Variants in NAALADL2 observed in about 807,000 individuals in gnomAD.
NAALADL2 encodes the protein inactive N-acetylated-alpha-linked acidic dipeptidase-like protein 2.
Under a neutral mutation model 87.2 loss-of-function variants are expected in NAALADL2, and 76 were observed. The observed-to-expected ratio is 0.87, with a 90% CI of 0.72 to 1.05. NAALADL2 has a LOEUF of 1.05. NAALADL2 is among the 50% of genes least tolerant of loss of function. The pLI, the probability that NAALADL2 is intolerant of heterozygous loss-of-function variation, is 0.00. For missense variants in NAALADL2, 1,089 were observed against 945.8 expected (o/e 1.15, Z -1.99); for synonymous variants, 354 against 331.0 (o/e 1.07, Z -0.75).
intron 2 of NAALADL2, among the ~76,000 whole-genome samples, chr3:174,689,012 A>G (rs575339522): frequency 6.6e-5 from 10 of 152,252 alleles, no homozygotes; most frequent in African/African-American, 2.2e-4. Context: ...CAAAAAAAAA[A>G]AATTATGTAA....
intron 1 of NAALADL2, among the ~76,000 whole-genome samples, chr3:174,532,534 A>G (rs986450899): frequency 3.3e-5 from 5 of 152,156 alleles, no homozygotes; most frequent in Non-Finnish European, 7.3e-5. Context: ...TGAATCCTAT[A>G]TGGAACTCAG....
chr3:174,930,613 A>ATTTTTTTTTTTTTT (rs1188907600), intron 1 of NAALADL2, among the ~76,000 whole-genome samples: 1 of 99,774 alleles, frequency 1.0e-5, no homozygotes, highest in African/African-American at 4.4e-5. Context: ...AATAAGATGA[A>ATTTTTTTTTTTTTT]CTTTTTTTTT....
intron 1 of NAALADL2, among the ~76,000 whole-genome samples, chr3:175,011,902 T>C (rs1390111271): frequency 1.3e-5 from 2 of 152,168 alleles, no homozygotes; most frequent in South Asian, 4.1e-4. Context: ...AGTATTATAA[T>C]TGGGAAACAT....
chr3:175,382,232 T>A (rs1767870765), intron 5 of NAALADL2, among the ~76,000 whole-genome samples: 1 of 152,042 alleles, frequency 6.6e-6, no homozygotes, highest in African/African-American at 2.4e-5. Context: ...CATGAAGAAA[T>A]TTTTCAAATG....
intron 1 of NAALADL2, among the ~76,000 whole-genome samples, chr3:174,964,938 A>G (rs374592054): frequency 1.3e-5 from 2 of 151,926 alleles, no homozygotes; most frequent in Admixed American, 1.3e-4. Context: ...TTGAGCTGAA[A>G]TGAAAATGGG....
rs376711648 is a variant in NAALADL2 at position 174,831,299 on chromosome 3, T to G, written c.-9+93553T>G. Among the ~76,000 whole-genome samples, 313 of 149,064 alleles carry G rather than the reference T, an allele frequency of 2.1e-3. 2 individuals are homozygous for G. Among genetic ancestry groups the G allele is most frequent in the Non-Finnish European group, 3.8e-3 (253 of 67,454 alleles). On this transcript the variant is annotated intron_variant, in intron 3 of 3. Transcript: ENST00000434257. ...TACGTCCCATCAATACCTAATTTATTGAGAGTTTTTAGCATGAAGCGTTGT... is the reference window on the plus strand; with the variant it reads ...TACGTCCCATCAATACCTAATTTATGGAGAGTTTTTAGCATGAAGCGTTGT...
At chr3:174,749,641 A>G (rs1203433239) in intron 3 of NAALADL2, among the ~76,000 whole-genome samples, 1 of 152,120 alleles carries the variant, frequency 6.6e-6, no homozygotes, top group East Asian at 1.9e-4. Flanking sequence ...TTCTGCATCC[A>G]TTGCTGAAAA....
intron 13 of NAALADL2, among the ~76,000 whole-genome samples, chr3:175,799,486 G>A (rs1266055087): frequency 1.3e-5 from 2 of 151,910 alleles, no homozygotes; most frequent in African/African-American, 2.4e-5. Flanking sequence ...AAATATGTTT[G>A]ATATGTATCC....
chr3:175,421,051 G>A (rs1436378926), intron 5 of NAALADL2, among the ~76,000 whole-genome samples: 1 of 151,694 alleles, frequency 6.6e-6, no homozygotes. Context: ...TTTTTTTCTT[G>A]ATTGTTGCAT....
intron 13 of NAALADL2, among the ~76,000 whole-genome samples, chr3:175,775,711 A>C (rs775590894): frequency 6.6e-5 from 10 of 152,190 alleles, no homozygotes; most frequent in Non-Finnish European, 1.2e-4. Context: ...TGGGCACCCC[A>C]TCAGAAAGAA....
intron 9 of NAALADL2, among the ~76,000 whole-genome samples, chr3:175,566,338 C>T (rs1283642952): frequency 6.6e-6 from 1 of 152,146 alleles, no homozygotes; most frequent in East Asian, 1.9e-4. Context: ...ATACCATTGT[C>T]TCTCCCCAGA....
At chr3:175,416,113 C>T (rs898469891) in intron 5 of NAALADL2, among the ~76,000 whole-genome samples, 1 of 151,440 alleles carries the variant, frequency 6.6e-6, no homozygotes, top group Non-Finnish European at 1.5e-5. Flanking sequence ...CAGAGCAAGA[C>T]CTCATCTTAA....
intron 2 of NAALADL2, among the ~76,000 whole-genome samples, chr3:174,705,603 T>C (rs1729980538): frequency 1.3e-5 from 2 of 151,730 alleles, no homozygotes; most frequent in South Asian, 4.2e-4. Context: ...GCTAACACGG[T>C]GAAACCCTAT....
intron 2 of NAALADL2, among the ~76,000 whole-genome samples, chr3:175,156,671 A>G (rs1479021816): frequency 2.0e-5 from 3 of 147,482 alleles, no homozygotes; most frequent in Admixed American, 6.8e-5. Context: ...TAGATTGTCT[A>G]TCCTTCAAAA....
chr3:174,834,831 G>T (rs1723147056), intron 3 of NAALADL2, among the ~76,000 whole-genome samples: 1 of 140,200 alleles, frequency 7.1e-6, no homozygotes, highest in African/African-American at 2.5e-5. Flanking sequence ...TTGGTTAGAA[G>T]ACAATATTTT....
chr3:175,679,065 C>T (rs1418757961), intron 11 of NAALADL2, among the ~76,000 whole-genome samples: 1 of 151,002 alleles, frequency 6.6e-6, no homozygotes, highest in African/African-American at 2.4e-5. Context: ...ACAAGGTGCT[C>T]AGTGGGGGAG....
At chr3:174,831,866 T>C (rs1297286938) in intron 3 of NAALADL2, among the ~76,000 whole-genome samples, 1 of 151,310 alleles carries the variant, frequency 6.6e-6, no homozygotes, top group Non-Finnish European at 1.5e-5. Flanking sequence ...AATTTATCCA[T>C]TTCTTCTAGA....
chr3:175,057,667 G>A (rs765702458), intron 1 of NAALADL2, among the ~76,000 whole-genome samples: 13 of 152,298 alleles, frequency 8.5e-5, no homozygotes, highest in Middle Eastern at 3.4e-3. Flanking sequence ...TTAGGTGGCT[G>A]TGTAACAAAT....
At chr3:174,820,404 T>C (rs2109329131) in intron 3 of NAALADL2, among the ~76,000 whole-genome samples, 1 of 152,320 alleles carries the variant, frequency 6.6e-6, no homozygotes, top group Non-Finnish European at 1.5e-5. Context: ...ATATACTTTT[T>C]CATTTTTGAT....
Sources: gnomAD v4.1 joint callset for allele counts (sites outside exome capture counted in the v4.1 genomes callset) on GRCh38, gnomAD v4.1.1 for gene constraint, MANE v1.5 for transcripts, NCBI Gene and HGNC (gene_info 2026-07-23, HGNC 2026-07-21) for gene names.